The following VAT1L variants were observed in gnomAD, a reference collection of about 807,000 sequenced individuals.
VAT1L encodes the protein vesicle amine transport 1 like.
A neutral mutation model predicts 44.1 loss-of-function variants in VAT1L; 34 were observed. That is an observed-to-expected ratio of 0.77 (90% confidence interval 0.59 to 1.03). VAT1L has a LOEUF of 1.03. VAT1L is among the 50% of genes least tolerant of loss of function. VAT1L has a pLI of 0.00. For synonymous variants in VAT1L, 253 were observed against 202.2 expected (o/e 1.25, Z -2.13); for missense variants, 615 against 538.8 (o/e 1.14, Z -1.40).
chr16:77,921,414 A>G (rs2017610522), intron 7 of VAT1L, among the ~76,000 whole-genome samples: 1 of 152,210 alleles, frequency 6.6e-6, no homozygotes, highest in African/African-American at 2.4e-5. Flanking sequence ...CTCCTTTAGG[A>G]GAACCCATGG....
At chr16:77,878,084 G>A (rs955199311) in intron 5 of VAT1L, among the ~76,000 whole-genome samples, 18 of 152,170 alleles carry the variant, frequency 1.2e-4, no homozygotes, top group African/African-American at 2.9e-4. Flanking sequence ...AATCCCATGT[G>A]AGTAGTTCAC....
chr16:77,876,191 A>T (rs1237485387), intron 4 of VAT1L, among the ~76,000 whole-genome samples, 179 bp from the exon 5 acceptor site: 4 of 152,122 alleles, frequency 2.6e-5, no homozygotes, highest in African/African-American at 4.8e-5. Context: ...TGAAATTTTT[A>T]TCACTGGATC....
chr16:77,911,010 G>A (rs1448014359), intron 7 of VAT1L, among the ~76,000 whole-genome samples: 2 of 152,172 alleles, frequency 1.3e-5, no homozygotes, highest in African/African-American at 2.4e-5. Flanking sequence ...GCAGGGATCT[G>A]AACCCATGCA....
At chr16:77,885,134 T>C (rs2017196959) in intron 7 of VAT1L, among the ~76,000 whole-genome samples, 1 of 152,310 alleles carries the variant, frequency 6.6e-6, no homozygotes, top group Middle Eastern at 3.4e-3. Flanking sequence ...ATTGTCACCT[T>C]GTGAGTACAT....
intron 4 of VAT1L, among the ~76,000 whole-genome samples, chr16:77,865,611 C>A (rs532042487): frequency 1.3e-5 from 2 of 152,150 alleles, no homozygotes; most frequent in South Asian, 4.1e-4. Flanking sequence ...AAGGTGCTAT[C>A]GAATACTTAC....
intron 7 of VAT1L, among the ~76,000 whole-genome samples, chr16:77,894,290 G>T (rs1003647281): frequency 5.9e-5 from 9 of 152,236 alleles, no homozygotes; most frequent in African/African-American, 1.9e-4. Context: ...CTGCTGACAA[G>T]CCAGGAAGTC....
At chr16:77,835,131 G>A (rs75294573) in intron 3 of VAT1L, among the ~76,000 whole-genome samples, 2,395 of 152,096 alleles carry the variant, frequency 0.016, 69 homozygotes, top group African/African-American at 0.056. Context: ...TTCCTGCCAC[G>A]TCGTAAATGC....
At chr16:77,845,394 C>A (rs889764136) in intron 3 of VAT1L, among the ~76,000 whole-genome samples, 1 of 152,148 alleles carries the variant, frequency 6.6e-6, no homozygotes, top group Non-Finnish European at 1.5e-5. Context: ...TGTTCTATGT[C>A]ACCTCTCAGA....
intron 3 of VAT1L, among the ~76,000 whole-genome samples, chr16:77,837,782 G>C (rs112407260): frequency 5.3e-5 from 8 of 152,288 alleles, no homozygotes; most frequent in African/African-American, 1.9e-4. Flanking sequence ...AATACGTATT[G>C]TATCCTTATT....
chr16:77,884,744 G>A lies in VAT1L; in HGVS notation c.1019G>A (p.Gly340Glu). 6.3e-7 allele frequency: 1 copy of A among 1,596,936 alleles called. No individual in the cohort carries two copies. The highest frequency in any genetic ancestry group is 8.5e-7 in the Non-Finnish European group (1 of 1,171,790). ...LIRGVVEKLI[G>E]LYNQKKIKPV... ...CGGGGAGTGGTGGAAAAACTCATAG[G>A]GCTCTACAACCAGAAGAAGATCAAG... The change falls in exon 7 of 9, where the codon GGG becomes GAG. Residue 340 changes from glycine to glutamate, a missense_variant. Gly to Glu is a moderately conservative substitution (Grantham distance 98, BLOSUM62 -2). Transcript: ENST00000302536. This position sits in a 1 kb window ranked among gnomAD's most constrained non-coding sequence, Gnocchi z 4.5.
In VAT1L at chr16:77,884,518, CT is replaced by C. The variant is rs2017188838; in HGVS notation, c.883-89del. On this transcript the variant is annotated intron_variant, in intron 6 of 8. Transcript: ENST00000302536. The surrounding 1 kb of genome is among the most constrained non-coding windows in gnomAD (Gnocchi z 4.5). ...GCTGAGCTGCAGCCCCACGTTCCCC[CT>C]GTAGTAGCTGATGACATCAGCAATG... The C allele has an allele frequency of 2.2e-6, 3 of 1,352,510 alleles. No individual in the cohort carries two copies. The highest frequency in any genetic ancestry group is 1.4e-5 in the South Asian group (1 of 72,650). The allele number at this position is 1,352,510 out of a possible 1,614,324, so 83.8% of individuals were successfully genotyped here. A position where few individuals can be genotyped will look rare whatever the true frequency, so the allele number is the denominator to read the frequency against.
At chr16:77,802,731 A>G (rs1457281070) in intron 1 of VAT1L, among the ~76,000 whole-genome samples, 1 of 151,786 alleles carries the variant, frequency 6.6e-6, no homozygotes, top group East Asian at 1.9e-4. Context: ...TCCTGTGTAC[A>G]TCCCTTAAGT....
chr16:77,879,232 T>A lies in VAT1L; in HGVS notation c.882+8T>A, dbSNP rs16946726. 3,338 of 1,613,628 alleles carry A rather than the reference T, an allele frequency of 2.1e-3. 57 individuals are homozygous for A. In the African/African-American group the frequency reaches 0.04, roughly 19 times the overall value. ...TTCAGCTTTGCAAAATCAGTAAGTATCCAGGCACATCTGATGTACTGTGGT... is the reference window on the plus strand; with the variant it reads ...TTCAGCTTTGCAAAATCAGTAAGTAACCAGGCACATCTGATGTACTGTGGT... On this transcript the variant is annotated splice_region_variant and intron_variant, in intron 6 of 8. Transcript: ENST00000302536. This position sits in a 1 kb window ranked among gnomAD's most constrained non-coding sequence, Gnocchi z 4.1.
At chr16:77,899,487 C>A (rs1249602214) in intron 7 of VAT1L, among the ~76,000 whole-genome samples, 1 of 152,234 alleles carries the variant, frequency 6.6e-6, no homozygotes, top group Non-Finnish European at 1.5e-5. Flanking sequence ...GTTTCAAAGT[C>A]TATTGCAAGC....
intron 7 of VAT1L, among the ~76,000 whole-genome samples, chr16:77,929,601 C>T (rs1429067): frequency 0.96 from 146,719 of 152,250 alleles, 70,830 homozygotes; most frequent in East Asian, 1. Context: ...ATTTTCAGGA[C>T]GGAGAGGGTG....
intron 7 of VAT1L, among the ~76,000 whole-genome samples, chr16:77,944,848 G>A (rs545968200): frequency 1.4e-4 from 21 of 152,120 alleles, no homozygotes; most frequent in African/African-American, 4.3e-4. Context: ...AGTGGTGAAC[G>A]GCAAGAAAGG....
chr16:77,803,476 A>G (rs7205303), intron 1 of VAT1L, among the ~76,000 whole-genome samples: 128,101 of 146,242 alleles, frequency 0.88, 56,586 homozygotes, highest in Non-Finnish European at 0.94. Context: ...CTGGAGTGCA[A>G]TGGTGCGATC....
intron 1 of VAT1L, among the ~76,000 whole-genome samples, chr16:77,812,048 T>G (rs2145229105): frequency 6.6e-6 from 1 of 151,872 alleles, no homozygotes; most frequent in African/African-American, 2.4e-5. Context: ...ATCTGTTTCT[T>G]TTCACTGTTT....
chr16:77,843,474 C>T (rs187736783), intron 3 of VAT1L, among the ~76,000 whole-genome samples: 12 of 152,270 alleles, frequency 7.9e-5, no homozygotes, highest in South Asian at 2.1e-4. Context: ...CCCAGGAACC[C>T]CTGAGTTCTC....
Sources: gnomAD v4.1 joint callset for allele counts (sites outside exome capture counted in the v4.1 genomes callset) on GRCh38, gnomAD v4.1.1 for gene constraint, Gnocchi (gnomAD v3.1) non-coding constraint, MANE v1.5 for transcripts, NCBI Gene and HGNC (gene_info 2026-07-23, HGNC 2026-07-21) for gene names.